Variants in SRGAP2C observed in about 807,000 individuals in gnomAD.
SRGAP2C encodes SLIT-ROBO Rho GTPase-activating protein 2C.
Under a neutral mutation model 25.1 loss-of-function variants are expected in SRGAP2C, and 15 were observed. That is an observed-to-expected ratio of 0.60 (90% CI 0.40 to 0.92). The LOEUF is 0.92. Ranked by LOEUF, SRGAP2C falls within the 40% of genes least tolerant of loss-of-function variation. The probability of loss-of-function intolerance (pLI) is 0.00; values close to 1 mark genes in which losing one functional copy is unlikely to be tolerated. For synonymous variants in SRGAP2C, 44 were observed against 96.6 expected (o/e 0.46, Z 3.19); for missense variants, 144 against 264.4 (o/e 0.54, Z 3.16).
chr1:121,382,072 G>A (rs1553354990), intron 7 of SRGAP2C, among the ~76,000 whole-genome samples: 3 of 152,018 alleles, frequency 2.0e-5, no homozygotes. Flanking sequence ...TGTAGTGCAG[G>A]GCCATCTGTT....
Position 121,392,213 on chromosome 1 carries a change from A to G in SRGAP2C, c.*4358A>G, listed in dbSNP as rs868906447. On this transcript the variant is annotated 3_prime_UTR_variant, in exon 10 of 10. Coordinates refer to ENST00000367123, the MANE Select transcript of SRGAP2C (RefSeq NM_001329984.2). ...TTGTGGGACATCATCAAATAGACCA[A>G]CATTCATATTCTAGAAGGATAAATT... The G allele has an allele frequency of 6.6e-6, 1 of 152,226 alleles. No homozygotes were observed. The highest frequency in any genetic ancestry group is 2.4e-5 in the African/African-American group (1 of 41,476). The allele number at this position is 152,226 out of a possible 1,614,324, so 9.4% of individuals were successfully genotyped here. A position where few individuals can be genotyped will look rare whatever the true frequency, so the allele number is the denominator to read the frequency against.
intron 4 of SRGAP2C, among the ~76,000 whole-genome samples, chr1:121,329,167 T>C (rs1422531437): frequency 6.7e-6 from 1 of 149,790 alleles, no homozygotes; most frequent in Non-Finnish European, 1.5e-5. Context: ...GCAGAGATCA[T>C]GCTGTTGCAC....
chr1:121,207,878 CAG>C (rs1159052525), intron 2 of SRGAP2C, among the ~76,000 whole-genome samples: 2 of 152,040 alleles, frequency 1.3e-5, no homozygotes, highest in Non-Finnish European at 2.9e-5. Context: ...TTCTGTGTAA[CAG>C]AGATTACCCA....
rs1300958463 is a variant in SRGAP2C, at chr1:121,328,889, T to TAAAA, written c.423+4262_423+4265dup. ...GTAACAGAGCCAGACCCTGTCTGTT[T>TAAAA]AAAAAAAAAAAAAAAACAAAAAACA... On this transcript the variant is annotated intron_variant, in intron 4 of 9. Transcript: ENST00000367123. Among the ~76,000 whole-genome samples the TAAAA allele has an allele frequency of 4.1e-4, 31 of 75,178 alleles. 1 individual carries two copies. Among genetic ancestry groups the TAAAA allele is most frequent in the African/African-American group, 7.9e-4 (17 of 21,514 alleles). The allele number at this position is 75,178 out of a possible 152,430, so 49.3% of individuals were successfully genotyped here. A position where few individuals can be genotyped will look rare whatever the true frequency, so the allele number is the denominator to read the frequency against.
intron 2 of SRGAP2C, among the ~76,000 whole-genome samples, chr1:121,265,971 C>T (rs587708909): frequency 2.6e-5 from 4 of 151,488 alleles, no homozygotes; most frequent in East Asian, 1.9e-4. Flanking sequence ...TTTGTTTGTT[C>T]GTTTGTTGTT....
chr1:121,360,130 C>T (rs1393168463), intron 4 of SRGAP2C: 3 of 151,516 alleles, frequency 2.0e-5, no homozygotes, highest in African/African-American at 7.3e-5. Flanking sequence ...TCAGTGAGAC[C>T]AAGAACCCAC....
intron 4 of SRGAP2C, among the ~76,000 whole-genome samples, chr1:121,355,149 G>A (rs1193218763): frequency 5.7e-5 from 8 of 139,832 alleles, no homozygotes; most frequent in African/African-American, 1.1e-4. Flanking sequence ...ATTAAAATGG[G>A]AACTAGATAA....
At chr1:121,261,012 T>C (rs1442193544) in intron 2 of SRGAP2C, among the ~76,000 whole-genome samples, 1 of 106,688 alleles carries the variant, frequency 9.4e-6, no homozygotes, top group Non-Finnish European at 2.0e-5. Flanking sequence ...TACTGCAGCC[T>C]TGACCTCCTG....
chr1:121,335,586 C>T (rs1362499525), intron 4 of SRGAP2C, among the ~76,000 whole-genome samples: 2 of 147,910 alleles, frequency 1.4e-5, no homozygotes, highest in African/African-American at 2.5e-5. Context: ...CTCAGCTTCT[C>T]ATGTGTCTGA....
At chr1:121,219,250 C>A (rs1455552590) in intron 2 of SRGAP2C, among the ~76,000 whole-genome samples, 1 of 133,652 alleles carries the variant, frequency 7.5e-6, no homozygotes, top group African/African-American at 3.1e-5. Context: ...TGCAACTCAG[C>A]CAGTTTATTT....
Position 121,365,720 on chromosome 1 carries a change from G to A in SRGAP2C, c.486+365G>A, listed in dbSNP as rs1475156599. Among the ~76,000 whole-genome samples the A allele has an allele frequency of 2.2e-5, 2 of 91,124 alleles. 1 individual carries two copies. The highest frequency in any genetic ancestry group is 6.3e-4 in the South Asian group (2 of 3,190). 59.8% of individuals were successfully genotyped at this position (91,124 alleles called of 152,430 possible). A position where few individuals can be genotyped will look rare whatever the true frequency, so the allele number is the denominator to read the frequency against. On this transcript the variant is annotated intron_variant, in intron 5 of 9. Coordinates refer to ENST00000367123, the MANE Select transcript of SRGAP2C (RefSeq NM_001329984.2). ...GTAGCCTGCATTGCACTATTAATAT[G>A]TGCCTGTCGGAAAGGCTTTATTGTT...
intron 4 of SRGAP2C, among the ~76,000 whole-genome samples, chr1:121,328,896 AAAAAAAAAAC>A (rs1459532224): frequency 5.5e-5 from 2 of 36,038 alleles, no homozygotes; most frequent in Non-Finnish European, 9.1e-5. Flanking sequence ...GTTTAAAAAA[AAAAAAAAAAC>A]AAAAAACAAA....
intron 2 of SRGAP2C, among the ~76,000 whole-genome samples, chr1:121,206,129 G>A (rs1275666635): frequency 9.9e-5 from 15 of 151,100 alleles, no homozygotes; most frequent in South Asian, 6.3e-4. Flanking sequence ...AGCCCCCACC[G>A]TGCTTACCGC....
In SRGAP2C at chr1:121,390,718, C is replaced by T. The variant is rs1451047875; in HGVS notation, c.*2863C>T. 1 of 133,432 alleles carries T rather than the reference C, an allele frequency of 7.5e-6. No homozygotes were observed. Among genetic ancestry groups the T allele is most frequent in the Non-Finnish European group, 1.6e-5 (1 of 63,056 alleles). The allele number at this position is 133,432 out of a possible 1,614,324, so 8.3% of individuals were successfully genotyped here. A position where few individuals can be genotyped will look rare whatever the true frequency, so the allele number is the denominator to read the frequency against. Reference sequence around the variant, plus strand: ...AACTTGAAGCGATTTTTAAAAATTACCTAACCCAACCTTCTCATTTGAAAA... The same window carrying T: ...AACTTGAAGCGATTTTTAAAAATTATCTAACCCAACCTTCTCATTTGAAAA... On this transcript the variant is annotated 3_prime_UTR_variant, in exon 10 of 10. Coordinates refer to ENST00000367123, the MANE Select transcript of SRGAP2C (RefSeq NM_001329984.2).
intron 4 of SRGAP2C, among the ~76,000 whole-genome samples, chr1:121,355,340 C>T (rs1248049251): frequency 3.9e-5 from 2 of 50,852 alleles, no homozygotes; most frequent in African/African-American, 8.4e-5. Context: ...TTTTTTGAGA[C>T]GGAGTTTCGC....
chr1:121,374,724 G>A (rs1207676773), intron 6 of SRGAP2C, 102 bp from the exon 7 acceptor site: 25 of 649,246 alleles, frequency 3.9e-5, no homozygotes, highest in Non-Finnish European at 5.7e-5. Context: ...ATAGGGAGTA[G>A]CAACACAATT....
At chr1:121,328,193 A>G (rs1658355400) in intron 4 of SRGAP2C, among the ~76,000 whole-genome samples, 1 of 152,208 alleles carries the variant, frequency 6.6e-6, no homozygotes, top group African/African-American at 2.4e-5. Context: ...ATGAAGAAAT[A>G]CCAAATTGGG....
intron 2 of SRGAP2C, among the ~76,000 whole-genome samples, chr1:121,260,227 C>T (rs1451090146): frequency 4.7e-5 from 7 of 150,060 alleles, no homozygotes; most frequent in Non-Finnish European, 4.4e-5. Context: ...TGGAATAGGT[C>T]ACATTTGTGC....
At chr1:121,277,232 T>A (rs1383813645) in intron 2 of SRGAP2C, among the ~76,000 whole-genome samples, 17 of 148,016 alleles carry the variant, frequency 1.1e-4, no homozygotes, top group African/African-American at 4.0e-4. Context: ...TGAATTGTTA[T>A]GTGAAATTTT....
Sources: allele counts gnomAD v4.1 joint callset (sites outside exome capture counted in the v4.1 genomes callset), GRCh38; gene constraint gnomAD v4.1.1; transcripts MANE v1.5; gene names NCBI Gene and HGNC (gene_info 2026-07-23, HGNC 2026-07-21).